The following PDE11A variants were observed in gnomAD, a reference collection of about 807,000 sequenced individuals.
The protein encoded by PDE11A is phosphodiesterase 11A.
A neutral mutation model predicts 100.5 loss-of-function variants in PDE11A; 100 were observed. The observed-to-expected ratio is 1.00, with a 90% CI of 0.85 to 1.18. The LOEUF is 1.18. PDE11A is among the 50% of genes most tolerant of loss of function. The pLI is 0.00. For synonymous variants in PDE11A, 381 were observed against 420.8 expected, an observed-to-expected ratio of 0.91 and a Z score of 1.16; for missense variants, 1,141 against 1,152.6, an observed-to-expected ratio of 0.99 and a Z score of 0.15.
chr2:177,774,030 T>C (rs1456491292), intron 9 of PDE11A, among the ~76,000 whole-genome samples: 1 of 152,168 alleles, frequency 6.6e-6, no homozygotes, highest in African/African-American at 2.4e-5. Context: ...AAGATGGTGG[T>C]GCTTCAGTTT....
chr2:177,892,382 A>G lies in PDE11A; in HGVS notation c.1302+5676T>C, dbSNP rs991719985. Among the ~76,000 whole-genome samples the G allele has an allele frequency of 7.2e-5, 11 of 152,216 alleles. 1 individual carries two copies. The highest frequency in any genetic ancestry group is 2.7e-4 in the African/African-American group (11 of 41,452). Reference sequence around the variant, plus strand: ...CTCCCCATCTATCTAATTGTTATATATGTGGATTGAATACAAGATAACTAA... The same window carrying G: ...CTCCCCATCTATCTAATTGTTATATGTGTGGATTGAATACAAGATAACTAA... On this transcript the variant is annotated intron_variant, in intron 4 of 19. Coordinates refer to ENST00000286063, the MANE Select transcript of PDE11A (RefSeq NM_016953.4).
chr2:177,663,937 G>C lies in PDE11A; in HGVS notation c.2575C>G (p.Arg859Gly), dbSNP rs773631747. ...LKLTPSAIFDRNRKDELPRLQ... is the reference protein window; with the variant it reads ...LKLTPSAIFDGNRKDELPRLQ... The stretch of plus-strand genomic sequence containing the variant: ...CGAGGCAGTTCATCCTTCCGGTTCC[G>C]ATCAAAAATTGCCTAGAATGGGGGG... Residue 859 changes from arginine (R) to glycine (G), a missense_variant, in exon 19 of 20, where the codon CGG (arginine) becomes GGG (glycine). Transcript: ENST00000286063. The C allele has an allele frequency of 3.7e-6, 6 of 1,609,126 alleles. No homozygotes were observed. In the East Asian group the frequency reaches 1.1e-4, roughly 30 times the overall value.
intron 1 of PDE11A, among the ~76,000 whole-genome samples, chr2:178,024,112 G>C (rs1436197065): frequency 6.6e-6 from 1 of 151,994 alleles, no homozygotes; most frequent in East Asian, 1.9e-4. Flanking sequence ...TGAATTAGAG[G>C]GTCACTTAAT....
intron 2 of PDE11A, among the ~76,000 whole-genome samples, chr2:177,929,393 C>T (rs2105762129): frequency 6.6e-6 from 1 of 152,322 alleles, no homozygotes; most frequent in South Asian, 2.1e-4. Context: ...TAAGATCAGA[C>T]CTAAACAGAT....
intron 12 of PDE11A, among the ~76,000 whole-genome samples, chr2:177,720,022 G>T (rs2081502453): frequency 6.6e-6 from 1 of 151,902 alleles, no homozygotes; most frequent in Non-Finnish European, 1.5e-5. Flanking sequence ...TCACCCCCAA[G>T]TTCAGCACAT....
At chr2:177,693,510 C>A (rs1009974329) in intron 15 of PDE11A, among the ~76,000 whole-genome samples, 4 of 152,184 alleles carry the variant, frequency 2.6e-5, no homozygotes, top group Admixed American at 1.3e-4. Context: ...CCCAGCCCCT[C>A]ACTCTTATTC....
chr2:177,820,949 A>AT (rs1183633268), intron 6 of PDE11A, among the ~76,000 whole-genome samples: 3 of 151,910 alleles, frequency 2.0e-5, no homozygotes, highest in Admixed American at 2.0e-4. Flanking sequence ...ACAGTGGTCC[A>AT]TATTTGAATG....
chr2:177,977,539 A>T (rs1574318899), intron 2 of PDE11A, among the ~76,000 whole-genome samples: 4 of 104,522 alleles, frequency 3.8e-5, no homozygotes, highest in African/African-American at 1.6e-4. Flanking sequence ...ATTCAATGCC[A>T]TCCCCATCAA....
At chr2:177,683,562 A>T (rs1307479466) in intron 15 of PDE11A, 1 of 152,270 alleles carries the variant, frequency 6.6e-6, no homozygotes, top group African/African-American at 2.4e-5. Flanking sequence ...TGCAGTAGGG[A>T]GGAGCCTGGC....
chr2:177,769,136 G>GTTAT (rs2082276751), intron 10 of PDE11A, among the ~76,000 whole-genome samples, 187 bp downstream of exon 10: 1 of 151,974 alleles, frequency 6.6e-6, no homozygotes. Flanking sequence ...ATTATAAAAT[G>GTTAT]ACTACTCAGT....
chr2:177,831,299 T>C (rs80217887), intron 6 of PDE11A, among the ~76,000 whole-genome samples: 3,276 of 152,308 alleles, frequency 0.022, 132 homozygotes, highest in African/African-American at 0.075. Flanking sequence ...TTGTAGCTCC[T>C]ATCAAAAGGA....
chr2:177,886,454 T>C (rs1012778924), intron 4 of PDE11A, among the ~76,000 whole-genome samples: 10 of 152,218 alleles, frequency 6.6e-5, no homozygotes, highest in African/African-American at 2.2e-4. Flanking sequence ...AGACCACAAA[T>C]GCAGTTTCTA....
intron 5 of PDE11A, among the ~76,000 whole-genome samples, chr2:177,855,029 T>C (rs1038607003): frequency 2.6e-5 from 4 of 152,136 alleles, no homozygotes; most frequent in African/African-American, 9.7e-5. Flanking sequence ...ATGGTGCTGT[T>C]TTAATTTTTT....
rs1355777432 is a variant in PDE11A at position 177,840,391 on chromosome 2, A to T, written c.1368-8T>A. The T allele has an allele frequency of 6.2e-7, 1 of 1,613,520 alleles. No individual in the cohort carries two copies. Among genetic ancestry groups the T allele is most frequent in the Non-Finnish European group, 8.5e-7 (1 of 1,179,470 alleles). The stretch of plus-strand genomic sequence containing the variant: ...TCCATGCTTTCTTTGAAACTATCAG[A>T]GCACCAAGGTAGGCAGGAAGAAAAG... On this transcript the variant is annotated splice_region_variant and splice_polypyrimidine_tract_variant and intron_variant, in intron 5 of 19. Coordinates refer to ENST00000286063, the MANE Select transcript of PDE11A (RefSeq NM_016953.4).
At chr2:178,104,414 G>A (rs1472674112) in exon 2 of PDE11A, 6 of 1,613,812 alleles carry the variant, frequency 3.7e-6, no homozygotes, top group Non-Finnish European at 5.1e-6. Flanking sequence ...TTTCCACTGT[G>A]TGGCACTGAG....
chr2:177,696,836 G>A lies in PDE11A; in HGVS notation c.2345+496C>T, dbSNP rs184139588. ...TGATAGAGCAGGTCCCACTGGAAAT[G>A]GGAGGGTGCAATTTCCAGCTTAGAG... On this transcript the variant is annotated intron_variant, in intron 15 of 19. Transcript: ENST00000286063. Among the ~76,000 whole-genome samples, 6 of 152,296 alleles carry A rather than the reference G, an allele frequency of 3.9e-5. No individual in the cohort carries two copies. The East Asian group carries it at 1.2e-3, about 29-fold the overall frequency.
intron 1 of PDE11A, among the ~76,000 whole-genome samples, chr2:178,107,552 T>C (rs2087634031): frequency 6.6e-6 from 1 of 151,488 alleles, no homozygotes; most frequent in Non-Finnish European, 1.5e-5. Flanking sequence ...CATTTAGTTC[T>C]CACAACAGCC....
intron 5 of PDE11A, among the ~76,000 whole-genome samples, chr2:177,867,527 A>G (rs1679965947): frequency 6.6e-6 from 1 of 152,182 alleles, no homozygotes; most frequent in Admixed American, 6.5e-5. Flanking sequence ...CAAGAGATTG[A>G]GACCATCCTG....
chr2:177,887,712 C>A (rs925314147), intron 4 of PDE11A, among the ~76,000 whole-genome samples: 1 of 152,138 alleles, frequency 6.6e-6, no homozygotes, highest in Non-Finnish European at 1.5e-5. Context: ...TGTGATGGTG[C>A]CACTGCACTC....
Sources: allele counts gnomAD v4.1 joint callset (sites outside exome capture counted in the v4.1 genomes callset), GRCh38; gene constraint gnomAD v4.1.1; transcripts MANE v1.5; gene names NCBI Gene and HGNC (gene_info 2026-07-23, HGNC 2026-07-21).